Variants in ANXA4 observed in about 807,000 individuals in gnomAD.
ANXA4 encodes 35-beta calcimedin.
In ANXA4, 39 loss-of-function variants were observed where a neutral mutation model predicts 49.8. The ratio of observed to expected loss-of-function variants is 0.78; its 90% CI spans 0.61 to 1.02. The LOEUF (loss-of-function observed/expected upper bound fraction) is 1.02. Among genes scored for constraint, ANXA4 ranks in the 50% least tolerant of loss-of-function variants. ANXA4 has a pLI of 0.00. For missense variants in ANXA4, 360 were observed against 410.1 expected, an observed-to-expected ratio of 0.88 and a Z score of 1.05; for synonymous variants, 134 against 152.5, an observed-to-expected ratio of 0.88 and a Z score of 0.89.
intron 2 of ANXA4, among the ~76,000 whole-genome samples, chr2:69,670,488 A>G (rs760358790): frequency 2.6e-5 from 4 of 151,600 alleles, no homozygotes; most frequent in Non-Finnish European, 5.9e-5. Flanking sequence ...TAAAATAGAG[A>G]TGGCGACTGG....
intron 1 of ANXA4, among the ~76,000 whole-genome samples, chr2:69,765,412 G>C (rs559971955): frequency 6.6e-6 from 1 of 152,232 alleles, no homozygotes; most frequent in East Asian, 1.9e-4. Context: ...GTTCTGTTTT[G>C]AATAGTAGCC....
chr2:69,714,155 C>T (rs12612409), intron 2 of ANXA4, among the ~76,000 whole-genome samples: 15,055 of 152,182 alleles, frequency 0.099, 845 homozygotes, highest in African/African-American at 0.15. Context: ...GGAGGCTCTT[C>T]TCCTTCAAGG....
intron 2 of ANXA4, among the ~76,000 whole-genome samples, chr2:69,687,897 G>A (rs1442349080): frequency 6.6e-6 from 1 of 152,158 alleles, no homozygotes; most frequent in Non-Finnish European, 1.5e-5. Flanking sequence ...ACATATCATT[G>A]AGTCCATAAA....
In ANXA4 at chr2:69,715,610, C is replaced by T. The variant is rs940917396; in HGVS notation, n.767-5164C>T. ...TTGCCTAGGTTTTTAACCCTCACAA[C>T]ACATCCCTAAAACATTGTACAGATG... On this transcript the variant is annotated intron_variant and non_coding_transcript_variant, in intron 2 of 3. Coordinates refer to the ANXA4 transcript ENST00000418066. Among the ~76,000 whole-genome samples the T allele has an allele frequency of 2.6e-5, 4 of 152,344 alleles. No individual in the cohort carries two copies. The East Asian group carries it at 7.7e-4, about 29-fold the overall frequency.
At chr2:69,741,672 G>C (rs1019348151), upstream of ANXA4, among the ~76,000 whole-genome samples, 1 of 152,258 alleles carries the variant, frequency 6.6e-6, no homozygotes, top group Non-Finnish European at 1.5e-5. Flanking sequence ...TCCCGAGGTG[G>C]GGGGAAGCGC....
At chr2:69,650,600 A>G (rs1414766081) in intron 1 of ANXA4, among the ~76,000 whole-genome samples, 2 of 152,032 alleles carry the variant, frequency 1.3e-5, no homozygotes, top group African/African-American at 2.4e-5. Flanking sequence ...ACTGGTGCAC[A>G]GCACCACAGC....
At chr2:69,655,504 C>T (rs980796321) in intron 2 of ANXA4, among the ~76,000 whole-genome samples, 1 of 152,026 alleles carries the variant, frequency 6.6e-6, no homozygotes, top group Non-Finnish European at 1.5e-5. Context: ...GTTAGAATGG[C>T]GATCATTAAA....
rs371539228 is a variant in ANXA4 at position 69,803,889 on chromosome 2, G to C, written c.98-644G>C. On this transcript the variant is annotated intron_variant, in intron 3 of 12. Coordinates refer to ENST00000394295, the MANE Select transcript of ANXA4 (RefSeq NM_001153.5). ...GTGGTGTCTCACACATGTAACCCCA[G>C]CACTTTGGGAGGCCGAGGAGGGCAG... 3.9e-5 allele frequency among the ~76,000 whole-genome samples: 6 copies of C among 152,152 alleles called. No homozygotes were observed. In the East Asian group the frequency reaches 1.2e-3, roughly 29 times the overall value.
At chr2:69,778,573 C>G (rs937376944) in intron 1 of ANXA4, among the ~76,000 whole-genome samples, 1 of 151,972 alleles carries the variant, frequency 6.6e-6, no homozygotes, top group African/African-American at 2.4e-5. Flanking sequence ...GTCGGGAGTT[C>G]GAGACCAGCC....
rs554407064 is a variant in ANXA4 at position 69,681,627 on chromosome 2, C to T, written n.766+28345C>T. Reference sequence around the variant, plus strand: ...GATTACAGGCATGAGCCTCTGTGCCCGGCCCATTTCTGATTTTATTTATTT... The same window carrying T: ...GATTACAGGCATGAGCCTCTGTGCCTGGCCCATTTCTGATTTTATTTATTT... On this transcript the variant is annotated intron_variant and non_coding_transcript_variant, in intron 2 of 3. Transcript: ENST00000418066. Among the ~76,000 whole-genome samples, 14 of 151,834 alleles carry T rather than the reference C, an allele frequency of 9.2e-5. No homozygotes were observed. In the South Asian group the frequency reaches 2.3e-3, roughly 25 times the overall value.
At chr2:69,643,809 C>A, upstream of ANXA4, 1 of 1,184,742 alleles carries the variant, frequency 8.4e-7, no homozygotes, top group Non-Finnish European at 1.0e-6. Flanking sequence ...TGAACCGCCG[C>A]CGGAAGTGCC....
rs1491178431 is a variant in ANXA4 at position 69,731,978 on chromosome 2, TTC to T, written n.864+11109_864+11110del. Among the ~76,000 whole-genome samples the T allele has an allele frequency of 5.2e-3, 572 of 109,450 alleles. 20 individuals carry two copies. The highest frequency in any genetic ancestry group is 0.022 in the African/African-American group (524 of 23,494). 71.8% of individuals were successfully genotyped at this position (109,450 alleles called of 152,430 possible). ...ATTTCTTAGTTACATTTTCTTTTCT[TTC>T]TTTTTTTTTTTTTTTTTTGAGATGG... is the stretch of plus-strand genomic sequence containing the variant. On this transcript the variant is annotated intron_variant and non_coding_transcript_variant, in intron 3 of 3. Coordinates refer to the ANXA4 transcript ENST00000418066.
intron 2 of ANXA4, among the ~76,000 whole-genome samples, chr2:69,672,907 A>T (rs987942556): frequency 1.3e-5 from 2 of 148,708 alleles, no homozygotes; most frequent in African/African-American, 2.5e-5. Context: ...CATAACATAT[A>T]AAAAAAAAAG....
At chr2:69,821,750 C>A (rs1674254311) in intron 12 of ANXA4, among the ~76,000 whole-genome samples, 1 of 152,142 alleles carries the variant, frequency 6.6e-6, no homozygotes, top group African/African-American at 2.4e-5. Flanking sequence ...CCATGCCCCA[C>A]CAAGCTGTGG....
In ANXA4 at chr2:69,712,079, C is replaced by T. The variant is rs186480322; in HGVS notation, n.767-8695C>T. ...TCTCCTTTTCCTGGGGGGTCTTAGA[C>T]ACCATGTGTAACTATTGCGTGCTTC... On this transcript the variant is annotated intron_variant and non_coding_transcript_variant, in intron 2 of 3. Transcript: ENST00000418066. Among the ~76,000 whole-genome samples, 179 of 152,102 alleles carry T rather than the reference C, an allele frequency of 1.2e-3. 3 individuals are homozygous for T. Among genetic ancestry groups the T allele is most frequent in the Non-Finnish European group, 2.4e-4 (16 of 68,000 alleles).
chr2:69,723,182 C>A (rs1169113607), intron 3 of ANXA4, among the ~76,000 whole-genome samples: 1 of 119,136 alleles, frequency 8.4e-6, no homozygotes, highest in African/African-American at 3.0e-5. Flanking sequence ...CAGAGCAAGA[C>A]TGTCTCAAAA....
chr2:69,738,879 G>A (rs1670308585), upstream of ANXA4, among the ~76,000 whole-genome samples: 2 of 152,138 alleles, frequency 1.3e-5, no homozygotes, highest in African/African-American at 4.8e-5. Flanking sequence ...GATGCCAGGT[G>A]GAATAGAAGA....
chr2:69,656,107 T>C (rs1676428856), intron 2 of ANXA4, among the ~76,000 whole-genome samples: 1 of 151,188 alleles, frequency 6.6e-6, no homozygotes, highest in Non-Finnish European at 1.5e-5. Context: ...CAAACCACCA[T>C]GGCATGTGTA....
rs193218196 is a variant in ANXA4, at chr2:69,656,359, A to G, written n.766+3077A>G. Among the ~76,000 whole-genome samples the G allele has an allele frequency of 5.2e-4, 67 of 129,272 alleles. 1 individual carries two copies. The highest frequency in any genetic ancestry group is 1.9e-3 in the African/African-American group (59 of 31,546). The allele number at this position is 129,272 out of a possible 152,430, so 84.8% of individuals were successfully genotyped here. A position where few individuals can be genotyped will look rare whatever the true frequency, so the allele number is the denominator to read the frequency against. The stretch of plus-strand genomic sequence containing the variant: ...TGTATATATATGTGTATATATGTGT[A>G]TATATATGTGTATATATGTGTATAT... On this transcript the variant is annotated intron_variant and non_coding_transcript_variant, in intron 2 of 3. Transcript: ENST00000418066.
Sources: gnomAD v4.1 joint callset for allele counts (sites outside exome capture counted in the v4.1 genomes callset) on GRCh38, gnomAD v4.1.1 for gene constraint, MANE v1.5 for transcripts, NCBI Gene and HGNC (gene_info 2026-07-23, HGNC 2026-07-21) for gene names.